Variants in C1orf21 observed in about 807,000 individuals in gnomAD.
C1orf21 encodes the protein chromosome 1 open reading frame 21.
In C1orf21, 3 loss-of-function variants were observed where a neutral mutation model predicts 18.7. The observed-to-expected ratio is 0.16, with a 90% CI of 0.07 to 0.42. C1orf21 has a LOEUF of 0.42. C1orf21 is among the 10% of genes least tolerant of loss of function. C1orf21 has a pLI of 0.99. For missense variants in C1orf21, 104 were observed against 143.6 expected (o/e 0.72, Z 1.41); for synonymous variants, 41 against 46.4 (o/e 0.88, Z 0.47).
chr1:184,608,094 C>T (rs1659675549), intron 5 of C1orf21, among the ~76,000 whole-genome samples: 1 of 151,988 alleles, frequency 6.6e-6, no homozygotes, highest in African/African-American at 2.4e-5. Context: ...CATTGCTGTG[C>T]CCGGGGATGG....
chr1:184,574,120 G>A (rs887355523), intron 3 of C1orf21, among the ~76,000 whole-genome samples: 5 of 152,158 alleles, frequency 3.3e-5, no homozygotes, highest in African/African-American at 1.2e-4. Flanking sequence ...CAGGAGAATC[G>A]CTTGAACTCA....
chr1:184,420,526 A>T (rs1402717537), intron 1 of C1orf21, among the ~76,000 whole-genome samples: 1 of 152,220 alleles, frequency 6.6e-6, no homozygotes, highest in Non-Finnish European at 1.5e-5. Context: ...AAAGAAAGAC[A>T]TCATTGCTAA....
At chr1:184,595,812 A>G (rs749691150) in intron 4 of C1orf21, among the ~76,000 whole-genome samples, 2 of 152,122 alleles carry the variant, frequency 1.3e-5, no homozygotes, top group Non-Finnish European at 2.9e-5. Flanking sequence ...CAACCCATGC[A>G]CCGTACTTCA....
At chr1:184,508,041 T>C (rs1196035966) in intron 3 of C1orf21, among the ~76,000 whole-genome samples, 1 of 152,218 alleles carries the variant, frequency 6.6e-6, no homozygotes, top group African/African-American at 2.4e-5. Flanking sequence ...GGATGAATGG[T>C]TGTTTCATTA....
intron 4 of C1orf21, among the ~76,000 whole-genome samples, chr1:184,596,348 A>G (rs950942760): frequency 3.9e-5 from 6 of 152,316 alleles, no homozygotes; most frequent in African/African-American, 1.4e-4. Context: ...GGGGTCATGA[A>G]TCACATGAAC....
intron 1 of C1orf21, among the ~76,000 whole-genome samples, chr1:184,436,801 C>T (rs536585126): frequency 4.7e-4 from 72 of 152,166 alleles, no homozygotes; most frequent in African/African-American, 1.4e-3. Flanking sequence ...GGCAGGAGGT[C>T]CCTGGTCTCA....
At chr1:184,453,031 G>A (rs953555545) in intron 1 of C1orf21, among the ~76,000 whole-genome samples, 1 of 152,094 alleles carries the variant, frequency 6.6e-6, no homozygotes. Context: ...TTCAGCTAGG[G>A]ACATTTCCCT....
In C1orf21 at chr1:184,619,762, C is replaced by T. The variant is rs1348332847; in HGVS notation, c.*206C>T. The stretch of plus-strand genomic sequence containing the variant: ...AAAAACAAACAAAAAAAACTGTTAT[C>T]GAACTTTCTTTGTTGCTGCTAGTTA... On this transcript the variant is annotated 3_prime_UTR_variant, in exon 6 of 6. Coordinates refer to ENST00000235307, the MANE Select transcript of C1orf21 (RefSeq NM_030806.4). The T allele has an allele frequency of 1.8e-5, 8 of 450,064 alleles. No individual in the cohort carries two copies. The highest frequency in any genetic ancestry group is 3.0e-4 in the Middle Eastern group (1 of 3,334). 27.9% of individuals were successfully genotyped at this position (450,064 alleles called of 1,614,324 possible). A position where few individuals can be genotyped will look rare whatever the true frequency, so the allele number is the denominator to read the frequency against.
chr1:184,448,041 C>G (rs1052644917), intron 1 of C1orf21, among the ~76,000 whole-genome samples: 1 of 152,168 alleles, frequency 6.6e-6, no homozygotes, highest in African/African-American at 2.4e-5. Flanking sequence ...ACCCTACCCG[C>G]TTCTGTCTTG....
intron 2 of C1orf21, among the ~76,000 whole-genome samples, chr1:184,502,547 A>C (rs533852687): frequency 1.3e-5 from 2 of 152,110 alleles, no homozygotes; most frequent in Non-Finnish European, 2.9e-5. Context: ...AATGTAAATA[A>C]GCATTAGGTT....
At chr1:184,527,860 C>G (rs1658401644) in intron 3 of C1orf21, among the ~76,000 whole-genome samples, 1 of 152,150 alleles carries the variant, frequency 6.6e-6, no homozygotes, top group Non-Finnish European at 1.5e-5. Flanking sequence ...TAACACAATG[C>G]TTGTCACATA....
chr1:184,499,425 A>G (rs780188673), intron 2 of C1orf21, among the ~76,000 whole-genome samples: 3 of 152,180 alleles, frequency 2.0e-5, no homozygotes, highest in Non-Finnish European at 4.4e-5. Flanking sequence ...TGGATATCAC[A>G]TGAATTCCTA....
chr1:184,494,133 ATC>A (rs1157846311), intron 2 of C1orf21, among the ~76,000 whole-genome samples: 1 of 152,238 alleles, frequency 6.6e-6, no homozygotes, highest in South Asian at 2.1e-4. Flanking sequence ...TTTCAGAGTC[ATC>A]TGTCAGAGAA....
chr1:184,426,219 C>T (rs1656634699), intron 1 of C1orf21, among the ~76,000 whole-genome samples: 1 of 152,220 alleles, frequency 6.6e-6, no homozygotes, highest in South Asian at 2.1e-4. Context: ...ATGATCAATT[C>T]GTCTGTCCAG....
At position 184,569,321 on chromosome 1, in the gene C1orf21, C is replaced by T. The variant is rs868800555; in HGVS notation, c.190-21418C>T. On this transcript the variant is annotated intron_variant, in intron 3 of 5. Transcript: ENST00000235307. ...ACAAGGAAGCAGCAGTTCCCATTGC[C>T]ACTTGCTTCTCATTTCCATCATCAG... 1.1e-4 allele frequency among the ~76,000 whole-genome samples: 16 copies of T among 152,298 alleles called. No homozygotes were observed. In the South Asian group the frequency reaches 1.9e-3, roughly 18 times the overall value.
At chr1:184,394,700 C>A (rs998212706) in intron 1 of C1orf21, among the ~76,000 whole-genome samples, 1 of 152,126 alleles carries the variant, frequency 6.6e-6, no homozygotes, top group African/African-American at 2.4e-5. Context: ...AGGGTGACTT[C>A]AGTGGTTCTA....
chr1:184,556,723 T>C (rs1484694264), intron 3 of C1orf21, among the ~76,000 whole-genome samples: 4 of 152,196 alleles, frequency 2.6e-5, no homozygotes, highest in Non-Finnish European at 5.9e-5. Flanking sequence ...AGGTGATATC[T>C]GTATCATATG....
At chr1:184,568,944 A>G (rs1053379046) in intron 3 of C1orf21, among the ~76,000 whole-genome samples, 1 of 152,232 alleles carries the variant, frequency 6.6e-6, no homozygotes, top group Non-Finnish European at 1.5e-5. Flanking sequence ...AGTACCTACC[A>G]CATTACCTAC....
intron 1 of C1orf21, among the ~76,000 whole-genome samples, chr1:184,400,039 A>G (rs114120873): frequency 6.6e-6 from 1 of 151,824 alleles, no homozygotes; most frequent in Non-Finnish European, 1.5e-5. Flanking sequence ...TAGTATCATT[A>G]TGAACTTGTG....
Sources: allele counts gnomAD v4.1 joint callset (sites outside exome capture counted in the v4.1 genomes callset), GRCh38; gene constraint gnomAD v4.1.1; transcripts MANE v1.5; gene names NCBI Gene and HGNC (gene_info 2026-07-23, HGNC 2026-07-21).